The following FAM78B variants were observed in gnomAD, a reference collection of about 807,000 sequenced individuals.
FAM78B encodes the protein family with sequence similarity 78 member B.
FAM78B carries 10 observed loss-of-function variants against 20.0 expected under a neutral mutation model. That is an observed-to-expected ratio of 0.50 (90% CI 0.31 to 0.85). The LOEUF (loss-of-function observed/expected upper bound fraction) is 0.85, where lower values mean the gene tolerates loss of function less well. FAM78B is among the 40% of genes least tolerant of loss of function. The probability of loss-of-function intolerance (pLI) is 0.05; values close to 1 mark genes in which losing one functional copy is unlikely to be tolerated. For missense variants in FAM78B, 283 were observed against 345.0 expected (o/e 0.82, Z 1.42); for synonymous variants, 135 against 132.8 (o/e 1.02, Z -0.12).
At chr1:166,159,417 G>A (rs1656055144) in intron 1 of FAM78B, among the ~76,000 whole-genome samples, 1 of 152,166 alleles carries the variant, frequency 6.6e-6, no homozygotes. Context: ...GATCAGATGA[G>A]AGGGTCAGAT....
In FAM78B at chr1:166,125,832, A is replaced by T. The variant is rs1211614227; in HGVS notation, c.263+40154T>A. 3.9e-5 allele frequency among the ~76,000 whole-genome samples: 5 copies of T among 128,802 alleles called. 1 individual carries two copies. Among genetic ancestry groups the T allele is most frequent in the South Asian group, 4.8e-4 (2 of 4,148 alleles). The allele number at this position is 128,802 out of a possible 152,430, so 84.5% of individuals were successfully genotyped here. ...TGTTATTATTGTATTGCTACTTTGA[A>T]TTTTTTTTTTTTTTTTTTGAGACTG... On this transcript the variant is annotated intron_variant, in intron 1 of 1. Transcript: ENST00000354422.
At chr1:166,060,514 G>C in exon 3 of FAM78B, 1 of 964,356 alleles carries the variant, frequency 1.0e-6, no homozygotes, top group Non-Finnish European at 1.4e-6. Flanking sequence ...GGAGGAAGGC[G>C]AGGAGGTAGG....
At chr1:166,102,692 A>G (rs542368929) in intron 1 of FAM78B, among the ~76,000 whole-genome samples, 3 of 152,344 alleles carry the variant, frequency 2.0e-5, no homozygotes, top group Admixed American at 6.5e-5. Context: ...ATACAGGAGC[A>G]CCCAGATTCA....
intron 1 of FAM78B, among the ~76,000 whole-genome samples, chr1:166,122,170 A>G (rs1207411226): frequency 6.6e-6 from 1 of 152,204 alleles, no homozygotes; most frequent in African/African-American, 2.4e-5. Flanking sequence ...ATAAGGAATG[A>G]AATCATCCCT....
intron 1 of FAM78B, among the ~76,000 whole-genome samples, chr1:166,111,413 G>C (rs1452792679): frequency 6.6e-6 from 1 of 152,206 alleles, no homozygotes; most frequent in Non-Finnish European, 1.5e-5. Flanking sequence ...CAAGTGTAGA[G>C]AACAAGTTAG....
chr1:166,165,885 G>A (rs970183920), intron 1 of FAM78B, 101 bp downstream of exon 1: 6 of 1,390,470 alleles, frequency 4.3e-6, no homozygotes, highest in African/African-American at 4.3e-5. Context: ...TTAGAAAGAC[G>A]ATGGGGACAG....
At chr1:166,142,719 T>A (rs761750584) in intron 1 of FAM78B, among the ~76,000 whole-genome samples, 2 of 152,332 alleles carry the variant, frequency 1.3e-5, no homozygotes, top group South Asian at 2.1e-4. Flanking sequence ...CTGTAGCACA[T>A]AAAAGGCCCT....
At chr1:166,143,738 A>G (rs1655360817) in intron 1 of FAM78B, among the ~76,000 whole-genome samples, 1 of 152,134 alleles carries the variant, frequency 6.6e-6, no homozygotes, top group Non-Finnish European at 1.5e-5. Flanking sequence ...TGGAGAGGGA[A>G]GCAGAGATCT....
intron 1 of FAM78B, among the ~76,000 whole-genome samples, chr1:166,152,218 T>C (rs191871604): frequency 5.6e-4 from 85 of 152,286 alleles, no homozygotes; most frequent in African/African-American, 2.0e-3. Flanking sequence ...GCTGGAGATG[T>C]TACCCCAGGG....
intron 1 of FAM78B, among the ~76,000 whole-genome samples, chr1:166,118,579 C>T (rs779136542): frequency 6.6e-6 from 1 of 152,050 alleles, no homozygotes; most frequent in Non-Finnish European, 1.5e-5. Flanking sequence ...CAAACACAGC[C>T]ATGCTCATTC....
intron 1 of FAM78B, among the ~76,000 whole-genome samples, chr1:166,123,885 A>G (rs1216100430): frequency 6.6e-6 from 1 of 152,206 alleles, no homozygotes; most frequent in Non-Finnish European, 1.5e-5. Context: ...CTTGGGTCGC[A>G]TGCCCATCGC....
chr1:166,116,666 G>A (rs769844187), intron 1 of FAM78B, among the ~76,000 whole-genome samples: 3 of 152,142 alleles, frequency 2.0e-5, no homozygotes, highest in African/African-American at 4.8e-5. Flanking sequence ...CACCAACCCC[G>A]AGGCTTTAAT....
chr1:166,085,978 T>C (rs1652812686), intron 1 of FAM78B, among the ~76,000 whole-genome samples: 1 of 152,106 alleles, frequency 6.6e-6, no homozygotes, highest in African/African-American at 2.4e-5. Context: ...TTAATACTGC[T>C]ACTACAGGTA....
intron 1 of FAM78B, among the ~76,000 whole-genome samples, chr1:166,100,157 G>T (rs1329202665): frequency 6.6e-6 from 1 of 152,228 alleles, no homozygotes; most frequent in African/African-American, 2.4e-5. Context: ...GGTCCTGAAT[G>T]AGCATTGAGT....
chr1:166,083,799 CTTTTTTTTTTT>C (rs33994343), intron 1 of FAM78B, among the ~76,000 whole-genome samples: 1 of 92,340 alleles, frequency 1.1e-5, no homozygotes, highest in Non-Finnish European at 2.1e-5. Context: ...ACGCACCCAG[CTTTTTTTTTTT>C]TTTTTTTTTT....
At position 166,112,505 on chromosome 1, in the gene FAM78B, C is replaced by A. The variant is rs78516675; in HGVS notation, c.264-41742G>T. Among the ~76,000 whole-genome samples, 50 of 152,244 alleles carry A rather than the reference C, an allele frequency of 3.3e-4. No individual in the cohort carries two copies. In the East Asian group the frequency reaches 9.7e-3, roughly 29 times the overall value. ...TGCAAGACCAAGTGCTCTCATGGGT[C>A]GGCCTCAGGGAAGGCCTTGAAAAAA... On this transcript the variant is annotated intron_variant, in intron 1 of 1. Transcript: ENST00000354422.
intron 1 of FAM78B, among the ~76,000 whole-genome samples, chr1:166,136,220 A>C (rs909369504): frequency 6.6e-6 from 1 of 152,204 alleles, no homozygotes; most frequent in Non-Finnish European, 1.5e-5. Context: ...ATTCTGATGC[A>C]TGGAGGGTGT....
chr1:166,157,568 G>C (rs556276960), intron 1 of FAM78B, among the ~76,000 whole-genome samples: 4 of 152,014 alleles, frequency 2.6e-5, no homozygotes, highest in Non-Finnish European at 5.9e-5. Context: ...CATGGGCCTC[G>C]AGAAAAGGAA....
intron 1 of FAM78B, 60 bp downstream of exon 1, chr1:166,165,926 G>A: frequency 6.2e-7 from 1 of 1,606,082 alleles, no homozygotes; most frequent in Middle Eastern, 1.7e-4. Flanking sequence ...GGGGGGTCAA[G>A]GTGGCAAGCA....
Sources: allele counts gnomAD v4.1 joint callset (sites outside exome capture counted in the v4.1 genomes callset), GRCh38; gene constraint gnomAD v4.1.1; transcripts MANE v1.5; gene names NCBI Gene and HGNC (gene_info 2026-07-23, HGNC 2026-07-21).